Variants in ANKS1A observed in about 807,000 individuals in gnomAD.
ANKS1A encodes ankyrin repeat and SAM domain-containing protein 1A.
ANKS1A carries 55 observed loss-of-function variants against 120.3 expected under a neutral mutation model. The observed-to-expected ratio is 0.46, with a 90% CI of 0.37 to 0.57. The LOEUF is 0.57. Ranked by LOEUF, ANKS1A falls within the 20% of genes least tolerant of loss-of-function variation. The pLI, the probability that ANKS1A is intolerant of heterozygous loss-of-function variation, is 0.00. For synonymous variants in ANKS1A, 590 were observed against 604.7 expected (o/e 0.98, Z 0.36); for missense variants, 1,123 against 1,480.3 (o/e 0.76, Z 3.96).
intron 1 of ANKS1A, among the ~76,000 whole-genome samples, chr6:34,941,425 A>G (rs1227107563): frequency 1.3e-5 from 2 of 150,682 alleles, no homozygotes; most frequent in South Asian, 2.1e-4. Flanking sequence ...CGCTTAATAT[A>G]TTATTATTAT....
rs911361559 is a variant in ANKS1A at position 34,911,979 on chromosome 6, T to C, written c.197+22380T>C. Among the ~76,000 whole-genome samples the C allele has an allele frequency of 2.6e-5, 4 of 152,174 alleles. No individual in the cohort carries two copies. In the East Asian group the frequency reaches 7.7e-4, roughly 29 times the overall value. On this transcript the variant is annotated intron_variant, in intron 1 of 23. Coordinates refer to ENST00000360359, the MANE Select transcript of ANKS1A (RefSeq NM_015245.3). ...TTTTCAGGTTGTGTTCAGGAACCAT[T>C]AATACTTTCGCAATAACACAAGTTC... is the stretch of plus-strand genomic sequence containing the variant.
intron 10 of ANKS1A, among the ~76,000 whole-genome samples, chr6:34,997,780 ACTTCATAAGTGGGG>A (rs1581619856): frequency 6.6e-6 from 1 of 152,306 alleles, no homozygotes; most frequent in East Asian, 1.9e-4. Context: ...AGTTAGACTA[ACTTCATAAGTGGGG>A]CTGGTGTCCT....
chr6:34,915,065 G>A (rs529219512), intron 1 of ANKS1A, among the ~76,000 whole-genome samples: 29 of 152,278 alleles, frequency 1.9e-4, no homozygotes, highest in African/African-American at 6.5e-4. Context: ...ATGGAATTTT[G>A]CCTATCGTAT....
chr6:35,057,642 G>C lies in ANKS1A; in HGVS notation c.2078-2505G>C, dbSNP rs1194445268. 6.6e-6 allele frequency among the ~76,000 whole-genome samples: 1 copy of C among 152,186 alleles called. No homozygotes were observed. The highest frequency in any genetic ancestry group is 1.5e-5 in the Non-Finnish European group (1 of 68,026). ...TTCCCCCTTGCCCTTGGCCATCGCT[G>C]TCCTCCCCCAGAGTGTGAGTGGCCT... On this transcript the variant is annotated intron_variant, in intron 12 of 23. Coordinates refer to ENST00000360359, the MANE Select transcript of ANKS1A (RefSeq NM_015245.3). This position sits in a 1 kb window ranked among gnomAD's most constrained non-coding sequence, Gnocchi z 4.1.
intron 3 of ANKS1A, among the ~76,000 whole-genome samples, chr6:34,972,365 T>C (rs1350174304): frequency 1.3e-5 from 2 of 152,106 alleles, no homozygotes; most frequent in Non-Finnish European, 2.9e-5. Flanking sequence ...TATTGATTCA[T>C]TTTAAAACCA....
Position 34,978,658 on chromosome 6 carries a change from A to G in ANKS1A, c.436-3032A>G, listed in dbSNP as rs1019989353. On this transcript the variant is annotated intron_variant, in intron 3 of 23. Transcript: ENST00000360359. ...CCGTCTCTACTAAAAATACAAAATT[A>G]GCTAGGCGTGGTGGCACATATCTGT... 4.6e-5 allele frequency among the ~76,000 whole-genome samples: 7 copies of G among 151,942 alleles called. No individual in the cohort carries two copies. In the East Asian group the frequency reaches 1.2e-3, roughly 26 times the overall value.
intron 11 of ANKS1A, among the ~76,000 whole-genome samples, chr6:35,019,628 CA>C (rs1225923354): frequency 1.3e-5 from 2 of 152,112 alleles, no homozygotes; most frequent in African/African-American, 4.8e-5. Context: ...AGGGGGGTGC[CA>C]GGAGATTACA....
At chr6:35,021,150 G>A (rs547233433) in intron 11 of ANKS1A, among the ~76,000 whole-genome samples, 124 of 152,324 alleles carry the variant, frequency 8.1e-4, no homozygotes, top group Non-Finnish European at 1.3e-3. Flanking sequence ...CCTGGAATAG[G>A]GCATTAGTTA....
chr6:34,945,320 T>A lies in ANKS1A; in HGVS notation c.198-21919T>A, dbSNP rs7761573. 7.6e-3 allele frequency among the ~76,000 whole-genome samples: 1,159 copies of A among 152,284 alleles called. 21 individuals carry two copies. Among genetic ancestry groups the A allele is most frequent in the African/African-American group, 0.025 (1,060 of 41,570 alleles). On this transcript the variant is annotated intron_variant, in intron 1 of 23. Transcript: ENST00000360359. ...CTCAAACTCCTGGGCTCAAGCAGTC[T>A]TCTTGCCTTGGCTGCCCACAGTGCT...
rs901442522 is a variant in ANKS1A at position 35,057,926 on chromosome 6, CCT to C, written c.2078-2216_2078-2215del. Among the ~76,000 whole-genome samples, 88 of 152,284 alleles carry C rather than the reference CCT, an allele frequency of 5.8e-4. No individual in the cohort carries two copies. The highest frequency in any genetic ancestry group is 2.0e-3 in the African/African-American group (83 of 41,540). On this transcript the variant is annotated intron_variant, in intron 12 of 23. Transcript: ENST00000360359. This position sits in a 1 kb window ranked among gnomAD's most constrained non-coding sequence, Gnocchi z 4.1. Reference sequence around the variant, plus strand: ...GTCGAACAAAGCTCTAGGAGCAGTCCCTCTCTATTCTTCCTGACAAGCTGTTT... The same window carrying C: ...GTCGAACAAAGCTCTAGGAGCAGTCCCTCTATTCTTCCTGACAAGCTGTTT...
At chr6:35,066,301 T>C (rs955085189) in intron 13 of ANKS1A, among the ~76,000 whole-genome samples, 1 of 152,132 alleles carries the variant, frequency 6.6e-6, no homozygotes, top group Non-Finnish European at 1.5e-5. Context: ...TGGTTTTGTC[T>C]CAGTCTTGTC....
intron 8 of ANKS1A, among the ~76,000 whole-genome samples, chr6:34,988,452 C>T (rs1181506077): frequency 1.3e-5 from 2 of 152,102 alleles, no homozygotes; most frequent in Non-Finnish European, 2.9e-5. Flanking sequence ...AAAAATTAGC[C>T]AGGCGTGGTG....
At chr6:35,011,522 A>G (rs1351284290) in intron 10 of ANKS1A, among the ~76,000 whole-genome samples, 1 of 152,182 alleles carries the variant, frequency 6.6e-6, no homozygotes. Context: ...ATCAAGACCA[A>G]GTCAATGTGA....
In ANKS1A at chr6:35,086,282, C is replaced by G. The variant is rs557084083; in HGVS notation, c.3303+346C>G. The G allele has an allele frequency of 7.5e-7, 1 of 1,325,652 alleles. No homozygotes were observed. The highest frequency in any genetic ancestry group is 2.2e-5 in the Admixed American group (1 of 44,562). 82.1% of individuals were successfully genotyped at this position (1,325,652 alleles called of 1,614,324 possible). ...CTCTGCACCCCAGGTGCCGCTGCCCCCCGATAGTCGCTGTTGTTACTGTCA... is the reference window on the plus strand; with the variant it reads ...CTCTGCACCCCAGGTGCCGCTGCCCGCCGATAGTCGCTGTTGTTACTGTCA... On this transcript the variant is annotated intron_variant, in intron 22 of 23. Coordinates refer to ENST00000360359, the MANE Select transcript of ANKS1A (RefSeq NM_015245.3). The surrounding 1 kb of genome is among the most constrained non-coding windows in gnomAD (Gnocchi z 5.1).
In ANKS1A at chr6:34,889,680, G is replaced by A; in HGVS notation, c.197+81G>A. On this transcript the variant is annotated intron_variant, in intron 1 of 23. Coordinates refer to ENST00000360359, the MANE Select transcript of ANKS1A (RefSeq NM_015245.3). The surrounding 1 kb of genome is among the most constrained non-coding windows in gnomAD (Gnocchi z 5.5). ...CTCTTGGGTCCCCAGAGAGATCGGG[G>A]GTCCTGAGACTCGGGCGGGGTGGGC... is the stretch of plus-strand genomic sequence containing the variant. 1 of 1,202,732 alleles carries A rather than the reference G, an allele frequency of 8.3e-7. No homozygotes were observed. Among genetic ancestry groups the A allele is most frequent in the African/African-American group, 1.6e-5 (1 of 63,306 alleles). The allele number at this position is 1,202,732 out of a possible 1,614,324, so 74.5% of individuals were successfully genotyped here.
At chr6:34,963,957 A>G (rs945941804) in intron 1 of ANKS1A, among the ~76,000 whole-genome samples, 2 of 152,094 alleles carry the variant, frequency 1.3e-5, no homozygotes, top group Admixed American at 6.6e-5. Context: ...AATGTTTCCA[A>G]TCAGGTTATT....
In ANKS1A at chr6:35,081,166, A is replaced by T. The variant is rs372108384; in HGVS notation, c.2709+8A>T. 1.9e-6 allele frequency: 3 copies of T among 1,603,620 alleles called. No individual in the cohort carries two copies. Among genetic ancestry groups the T allele is most frequent in the Non-Finnish European group, 2.6e-6 (3 of 1,174,772 alleles). On this transcript the variant is annotated splice_region_variant and intron_variant, in intron 17 of 23. Transcript: ENST00000360359. ...GAGCGCTTCAGGATCCAGGTGGGGCAGGGGGAGTGGAGGTGCAGCCAGGCT... is the reference window on the plus strand; with the variant it reads ...GAGCGCTTCAGGATCCAGGTGGGGCTGGGGGAGTGGAGGTGCAGCCAGGCT...
intron 1 of ANKS1A, among the ~76,000 whole-genome samples, chr6:34,942,699 C>G (rs1354119730): frequency 1.3e-5 from 2 of 150,668 alleles, no homozygotes; most frequent in Admixed American, 1.3e-4. Flanking sequence ...TTTTTTTCCT[C>G]CTGTGTTTGG....
the ANKS1A span, among the ~76,000 whole-genome samples, chr6:35,097,884 T>G: frequency 2.6e-5 from 4 of 152,338 alleles, no homozygotes; most frequent in African/African-American, 9.6e-5. Context: ...TTTAAAAAGC[T>G]AAACTGTTTA....
Sources: allele counts gnomAD v4.1 joint callset (sites outside exome capture counted in the v4.1 genomes callset), GRCh38; gene constraint gnomAD v4.1.1; non-coding constraint Gnocchi (gnomAD v3.1); transcripts MANE v1.5; gene names NCBI Gene and HGNC (gene_info 2026-07-23, HGNC 2026-07-21).